The following IPO9 variants were observed in gnomAD, a reference collection of about 807,000 sequenced individuals.
IPO9 encodes importin-9.
In IPO9, 28 loss-of-function variants were observed where a neutral mutation model predicts 128.6. That is an observed-to-expected ratio of 0.22 (90% CI 0.16 to 0.30). The LOEUF is 0.30. Ranked by LOEUF, IPO9 falls within the 10% of genes least tolerant of loss-of-function variation. The pLI, the probability that IPO9 is intolerant of heterozygous loss-of-function variation, is 1.00. For synonymous variants in IPO9, 455 were observed against 475.8 expected, an observed-to-expected ratio of 0.96 and a Z score of 0.57; for missense variants, 935 against 1,293.9, an observed-to-expected ratio of 0.72 and a Z score of 4.26.
intron 16 of IPO9, 140 bp downstream of exon 16, chr1:201,868,936 G>GTGGGTGATTCTCTGAAGCTT: frequency 7.8e-7 from 1 of 1,285,978 alleles, no homozygotes; most frequent in Non-Finnish European, 1.0e-6. Flanking sequence ...TGCAAGGACA[G>GTGGGTGATTCTCTGAAGCTT]TGGGTGATTC....
At position 201,829,359 on chromosome 1, in the gene IPO9, G is replaced by A. The variant is rs1298592673; in HGVS notation, c.150G>A (p.Leu50=). 6.3e-7 allele frequency: 1 copy of A among 1,574,804 alleles called. No homozygotes were observed. The highest frequency in any genetic ancestry group is 2.4e-5 in the East Asian group (1 of 42,240). The change falls in exon 1 of 24, where the codon CTG becomes CTA. Residue 50 remains leucine (L), a synonymous_variant. Transcript: ENST00000361565. ...CTGCTGAAGAACAGATTAAGGTGCT[G>A]GAGGTGACGGAGGGTGAGTGAGGCG... ...RAAAEEQIKV[L]EVTEEFGVHL... is the part of the protein sequence containing the mutation.
chr1:201,864,953 G>A (rs1680521845), intron 14 of IPO9, among the ~76,000 whole-genome samples: 1 of 152,198 alleles, frequency 6.6e-6, no homozygotes, highest in Non-Finnish European at 1.5e-5. Context: ...TCTGTAGGAT[G>A]ACAAAAGCTG....
At chr1:201,868,516 T>G (rs907605450) in intron 15 of IPO9, 132 bp from the exon 16 acceptor site, 17 of 892,842 alleles carry the variant, frequency 1.9e-5, no homozygotes, top group Non-Finnish European at 2.8e-5. Flanking sequence ...CCCCACTAGG[T>G]CCCGGGTATG....
intron 5 of IPO9, among the ~76,000 whole-genome samples, chr1:201,852,434 G>A (rs763647570): frequency 6.6e-6 from 1 of 152,182 alleles, no homozygotes; most frequent in Non-Finnish European, 1.5e-5. Flanking sequence ...GCATCCAGTA[G>A]CCCCTAAGTA....
chr1:201,851,628 G>T (rs1012083493), intron 4 of IPO9, among the ~76,000 whole-genome samples: 1 of 152,138 alleles, frequency 6.6e-6, no homozygotes, highest in Non-Finnish European at 1.5e-5. Context: ...TCTGAGAAGA[G>T]TAACATATAC....
intron 20 of IPO9, 89 bp from the exon 21 acceptor site, chr1:201,874,161 C>A (rs752349452): frequency 9.9e-6 from 14 of 1,419,840 alleles, no homozygotes; most frequent in Non-Finnish European, 1.4e-5. Flanking sequence ...GTGGTGAACT[C>A]TGGTGAGTGG....
At position 201,854,930 on chromosome 1, in the gene IPO9, T is replaced by G; in HGVS notation, c.911+7T>G. 1 of 1,585,356 alleles carries G rather than the reference T, an allele frequency of 6.3e-7. No homozygotes were observed. The highest frequency in any genetic ancestry group is 8.6e-7 in the Non-Finnish European group (1 of 1,169,426). Reference sequence around the variant, plus strand: ...TAACCGAGAGTGCAGCTTTATATCCTTTCTTGAAAGTTTAAGGGAGCTACT... The same window carrying G: ...TAACCGAGAGTGCAGCTTTATATCCGTTCTTGAAAGTTTAAGGGAGCTACT... On this transcript the variant is annotated splice_region_variant and intron_variant, in intron 8 of 23. Transcript: ENST00000361565.
chr1:201,831,885 T>TTTGTTGTTG (rs10646458), intron 1 of IPO9, among the ~76,000 whole-genome samples: 69 of 150,812 alleles, frequency 4.6e-4, no homozygotes, highest in East Asian at 3.4e-3. Context: ...GTTTTTTGCT[T>TTTGTTGTTG]TTGTTGTTGT....
Position 201,854,852 on chromosome 1 carries a change from A to G in IPO9, c.840A>G (p.Pro280=). The G allele has an allele frequency of 6.2e-7, 1 of 1,611,352 alleles. No individual in the cohort carries two copies. Among genetic ancestry groups the G allele is most frequent in the Middle Eastern group, 1.7e-4 (1 of 6,044 alleles). Residue 280 remains proline, a synonymous_variant, in exon 8 of 24, where the codon CCA becomes CCG. Transcript: ENST00000361565. ...TGACAGCCCTAGTGAAAAACTTCCC[A>G]AAGCACATGGTGTCCTCCATGCAGC... ...KAVTALVKNF[P]KHMVSSMQQI...
rs1680932821 is a variant in IPO9 at position 201,883,745 on chromosome 1, TTGGTTAA to T, written c.*7692_*7698del. ...GGATAGAGACTCATTCTCATCTATT[TTGGTTAA>T]AAGAAAATAAATGTATTTCTTCCAC... On this transcript the variant is annotated 3_prime_UTR_variant, in exon 24 of 24. Coordinates refer to ENST00000361565, the MANE Select transcript of IPO9 (RefSeq NM_018085.5). 1.3e-5 allele frequency: 2 copies of T among 152,250 alleles called. No individual in the cohort carries two copies. The highest frequency in any genetic ancestry group is 1.3e-4 in the Admixed American group (2 of 15,288). 9.4% of individuals were successfully genotyped at this position (152,250 alleles called of 1,614,324 possible).
chr1:201,834,093 G>A lies in IPO9; in HGVS notation c.163+4721G>A, dbSNP rs969723929. ...CTGGCCCCTTTCATTTTTCTTAGGA[G>A]GATTGAGATTTTGAGTTTGATCAGG... On this transcript the variant is annotated intron_variant, in intron 1 of 23. Coordinates refer to ENST00000361565, the MANE Select transcript of IPO9 (RefSeq NM_018085.5). Among the ~76,000 whole-genome samples, 3 of 151,846 alleles carry A rather than the reference G, an allele frequency of 2.0e-5. No individual in the cohort carries two copies. The South Asian group carries it at 6.2e-4, about 32-fold the overall frequency.
intron 13 of IPO9, among the ~76,000 whole-genome samples, chr1:201,862,228 C>T (rs1393958936): frequency 1.3e-5 from 2 of 152,044 alleles, no homozygotes; most frequent in Non-Finnish European, 2.9e-5. Flanking sequence ...GAGGCCAAGC[C>T]GAGTGGATTG....
chr1:201,871,371 T>C, intron 19 of IPO9, 44 bp downstream of exon 19: 1 of 409,234 alleles, frequency 2.4e-6, no homozygotes. Context: ...CCACCACTCA[T>C]ATTTCTTTTT....
chr1:201,851,763 C>G (rs1680222252), intron 4 of IPO9, among the ~76,000 whole-genome samples: 1 of 152,186 alleles, frequency 6.6e-6, no homozygotes, highest in Non-Finnish European at 1.5e-5. Context: ...TGAATGTTGA[C>G]AGATGGGCAC....
At chr1:201,853,790 G>A (rs1301053152) in intron 6 of IPO9, among the ~76,000 whole-genome samples, 3 of 152,140 alleles carry the variant, frequency 2.0e-5, no homozygotes, top group Non-Finnish European at 2.9e-5. Flanking sequence ...CCAGGCTAGA[G>A]TGCAGTGGTG....
intron 1 of IPO9, among the ~76,000 whole-genome samples, chr1:201,831,803 T>C (rs1679837676): frequency 6.6e-6 from 1 of 152,226 alleles, no homozygotes; most frequent in Non-Finnish European, 1.5e-5. Context: ...CCTATTAGAA[T>C]GCCCTACAGA....
intron 1 of IPO9, among the ~76,000 whole-genome samples, chr1:201,841,812 A>G (rs1680041144): frequency 6.6e-6 from 1 of 152,236 alleles, no homozygotes; most frequent in African/African-American, 2.4e-5. Flanking sequence ...AAAAAATAAG[A>G]TAGTATTGGA....
chr1:201,848,649 A>T (rs1402747348), intron 4 of IPO9, 55 bp downstream of exon 4: 39 of 1,559,350 alleles, frequency 2.5e-5, no homozygotes, highest in Non-Finnish European at 3.3e-5. Context: ...CGACAGGAGT[A>T]TTACCAGAAG....
Position 201,879,791 on chromosome 1 carries a change from C to CAA in IPO9, c.*3738_*3739insAA, listed in dbSNP as rs1680850556. On this transcript the variant is annotated 3_prime_UTR_variant, in exon 24 of 24. Transcript: ENST00000361565. ...TGGTGGCTCACACCTGTAATCCCAA[C>CAA]ACTTTGGGAGGCCTAGGTGGGTAAA... is the stretch of plus-strand genomic sequence containing the variant. 1 of 152,160 alleles carries CAA rather than the reference C, an allele frequency of 6.6e-6. No individual in the cohort carries two copies. The highest frequency in any genetic ancestry group is 2.4e-5 in the African/African-American group (1 of 41,420). 9.4% of individuals were successfully genotyped at this position (152,160 alleles called of 1,614,324 possible).
Sources: gnomAD v4.1 joint callset for allele counts (sites outside exome capture counted in the v4.1 genomes callset) on GRCh38, gnomAD v4.1.1 for gene constraint, MANE v1.5 for transcripts, NCBI Gene and HGNC (gene_info 2026-07-23, HGNC 2026-07-21) for gene names.